Variants in BIRC6 observed in about 807,000 individuals in gnomAD.
BIRC6 encodes the protein baculoviral IAP repeat containing 6, also known as dual E2 ubiquitin-conjugating enzyme/E3 ubiquitin-protein ligase BIRC6.
Under a neutral mutation model 503.3 loss-of-function variants are expected in BIRC6, and 98 were observed. The observed-to-expected ratio is 0.19, with a 90% CI of 0.17 to 0.23. The LOEUF (loss-of-function observed/expected upper bound fraction) is 0.23. BIRC6 is among the 10% of genes least tolerant of loss of function. The pLI is 1.00. For missense variants in BIRC6, 5,360 were observed against 5,806.0 expected, an observed-to-expected ratio of 0.92 and a Z score of 2.50; for synonymous variants, 2,240 against 2,078.7, an observed-to-expected ratio of 1.08 and a Z score of -2.11.
At chr2:32,583,188 G>A (rs2060799359) in intron 66 of BIRC6, among the ~76,000 whole-genome samples, 1 of 152,306 alleles carries the variant, frequency 6.6e-6, no homozygotes, top group East Asian at 1.9e-4. Flanking sequence ...ACACTGTAAG[G>A]TGGCAGCTAG....
chr2:32,369,235 G>T (rs892730159), intron 1 of BIRC6, among the ~76,000 whole-genome samples: 2 of 152,152 alleles, frequency 1.3e-5, no homozygotes, highest in African/African-American at 4.8e-5. Flanking sequence ...GCTCTATAAG[G>T]AGTGATGAAG....
At chr2:32,578,531 C>G (rs1435853073) in intron 66 of BIRC6, among the ~76,000 whole-genome samples, 1 of 152,074 alleles carries the variant, frequency 6.6e-6, no homozygotes, top group Non-Finnish European at 1.5e-5. Context: ...TGCAGTGGCT[C>G]ACGGCTGTAA....
chr2:32,428,453 G>C (rs1178473787), intron 10 of BIRC6, among the ~76,000 whole-genome samples: 3 of 152,192 alleles, frequency 2.0e-5, no homozygotes, highest in African/African-American at 7.2e-5. Flanking sequence ...CCCATCTGGA[G>C]ATAGCAGTGA....
rs530095089 is a variant in BIRC6, at chr2:32,476,682, A to G, written c.6852+338A>G. The stretch of plus-strand genomic sequence containing the variant: ...ACAAGATGATTGCAAATATTATTGT[A>G]TCAGCCTCACAAATAAAATGTATAT... On this transcript the variant is annotated intron_variant, in intron 34 of 73. Transcript: ENST00000421745. Among the ~76,000 whole-genome samples, 18 of 152,292 alleles carry G rather than the reference A, an allele frequency of 1.2e-4. No individual in the cohort carries two copies. The East Asian group carries it at 2.9e-3, about 24-fold the overall frequency.
At chr2:32,567,632 A>T (rs1195446784) in intron 65 of BIRC6, among the ~76,000 whole-genome samples, 3 of 152,218 alleles carry the variant, frequency 2.0e-5, no homozygotes, top group African/African-American at 7.2e-5. Context: ...CCAAGTTTTC[A>T]CTGTTGGTCT....
chr2:32,589,860 A>G lies in BIRC6; in HGVS notation c.13356-4055A>G, dbSNP rs527236756. ...AAATTAGTATATTTGTGTCTAGTAT[A>G]GAAATCAAGGTTTTATTTTTAAAGG... On this transcript the variant is annotated intron_variant, in intron 66 of 73. Transcript: ENST00000421745. Among the ~76,000 whole-genome samples the G allele has an allele frequency of 1.5e-4, 23 of 152,322 alleles. No individual in the cohort carries two copies. The East Asian group carries it at 4.2e-3, about 28-fold the overall frequency.
At chr2:32,579,563 C>T (rs1354085700) in intron 66 of BIRC6, among the ~76,000 whole-genome samples, 2 of 152,012 alleles carry the variant, frequency 1.3e-5, no homozygotes, top group Non-Finnish European at 2.9e-5. Flanking sequence ...GTGGGCTGCA[C>T]CTGTAGTCCT....
rs555956928 is a variant in BIRC6 at position 32,458,748 on chromosome 2, G to T, written c.4754-4446G>T. 4.6e-5 allele frequency among the ~76,000 whole-genome samples: 6 copies of T among 130,800 alleles called. No individual in the cohort carries two copies. The South Asian group carries it at 1.5e-3, about 33-fold the overall frequency. 85.8% of individuals were successfully genotyped at this position (130,800 alleles called of 152,430 possible). On this transcript the variant is annotated intron_variant, in intron 23 of 73. Transcript: ENST00000421745. ...GACACTCTGTATCCCAGGCTGAAGTGCAGTGGCTCAATCTTGGCTCACTGT... is the reference window on the plus strand; with the variant it reads ...GACACTCTGTATCCCAGGCTGAAGTTCAGTGGCTCAATCTTGGCTCACTGT...
rs148716263 is a variant in BIRC6, at chr2:32,471,872, G to T, written c.6592+748G>T. On this transcript the variant is annotated intron_variant, in intron 32 of 73. Transcript: ENST00000421745. ...AATTCTGTACATTGTCAGGAACTCA[G>T]TATTTTTAAGAGTTCCCTTGAGATG... 8.1e-3 allele frequency among the ~76,000 whole-genome samples: 1,229 copies of T among 152,240 alleles called. 16 individuals are homozygous for T. The highest frequency in any genetic ancestry group is 9.1e-3 in the Non-Finnish European group (617 of 68,016).
At chr2:32,513,220 A>G in intron 54 of BIRC6, 66 bp downstream of exon 54, 1 of 1,177,074 alleles carries the variant, frequency 8.5e-7, no homozygotes, top group South Asian at 1.4e-5. Context: ...CACTTGATAA[A>G]ACAAAATATT....
intron 50 of BIRC6, among the ~76,000 whole-genome samples, chr2:32,505,934 C>T (rs1165619774): frequency 6.6e-6 from 1 of 151,950 alleles, no homozygotes. Context: ...GTAGCCTTGA[C>T]CCCTGAGGCT....
In BIRC6 at chr2:32,463,953, G is replaced by T. The variant is rs370623711; in HGVS notation, c.4942-556G>T. ...TTCTCATAGGAGCATGAACATTATT[G>T]TGAACTGTGCATGTGAGGGATCTAG... On this transcript the variant is annotated intron_variant, in intron 24 of 73. Transcript: ENST00000421745. 3.9e-5 allele frequency among the ~76,000 whole-genome samples: 6 copies of T among 152,260 alleles called. No homozygotes were observed. The East Asian group carries it at 7.7e-4, about 20-fold the overall frequency.
At chr2:32,502,081 A>T (rs2053259473) in intron 47 of BIRC6, among the ~76,000 whole-genome samples, 193 bp downstream of exon 47, 1 of 152,212 alleles carries the variant, frequency 6.6e-6, no homozygotes, top group South Asian at 2.1e-4. Flanking sequence ...TTCAGAGATG[A>T]CCACAGTGAT....
In BIRC6 at chr2:32,545,959, G is replaced by A. The variant is rs150003215; in HGVS notation, c.12810+99G>A. On this transcript the variant is annotated intron_variant, in intron 63 of 73. Transcript: ENST00000421745. Reference sequence around the variant, plus strand: ...TCTGAATTAATCTTTCAGAGACTTGGGTGTTCCATTTTCACATCTAAAAGG... The same window carrying A: ...TCTGAATTAATCTTTCAGAGACTTGAGTGTTCCATTTTCACATCTAAAAGG... The A allele has an allele frequency of 1.0e-4, 114 of 1,087,368 alleles. No individual in the cohort carries two copies. The African/African-American group carries it at 1.6e-3, about 16-fold the overall frequency. The allele number at this position is 1,087,368 out of a possible 1,614,324, so 67.4% of individuals were successfully genotyped here.
In BIRC6 at chr2:32,503,120, C is replaced by G. The variant is rs757392869; in HGVS notation, c.9383C>G (p.Thr3128Ser). Residue 3128 changes from threonine (T) to serine (S), a missense_variant, in exon 49 of 74, where the codon ACT becomes AGT. Around this residue, in one of 16 missense-constraint regions of BIRC6, gnomAD observed 267 missense variants for 287.6 expected, o/e 0.93. Transcript: ENST00000421745. ...AACACTGCAAGAAGTATGGTATCAA[C>G]TATTATGAAATTTCTTGACTCTGGT... ...IVNTARSMVSTIMKFLDSGPN... is the reference protein window; with the variant it reads ...IVNTARSMVSSIMKFLDSGPN... 6.2e-7 allele frequency: 1 copy of G among 1,611,548 alleles called. No individual in the cohort carries two copies. Among genetic ancestry groups the G allele is most frequent in the Non-Finnish European group, 8.5e-7 (1 of 1,178,692 alleles).
chr2:32,411,715 T>C (rs1257220176), intron 9 of BIRC6, among the ~76,000 whole-genome samples: 1 of 151,986 alleles, frequency 6.6e-6, no homozygotes, highest in Admixed American at 6.6e-5. Context: ...AGGGCTCAAG[T>C]GATCTGGCCT....
rs1352434076 is a variant in BIRC6 at position 32,454,035 on chromosome 2, A to G, written c.4753+93A>G. On this transcript the variant is annotated intron_variant, in intron 23 of 73. Coordinates refer to ENST00000421745, the MANE Select transcript of BIRC6 (RefSeq NM_016252.4). ...TTTAAACATTATTTCTAATTATGTA[A>G]TTTTCATTGCTGTTAAGTGGAAATT... 8.4e-6 allele frequency: 9 copies of G among 1,067,070 alleles called. No individual in the cohort carries two copies. The East Asian group carries it at 2.3e-4, about 28-fold the overall frequency. 66.1% of individuals were successfully genotyped at this position (1,067,070 alleles called of 1,614,324 possible). A position where few individuals can be genotyped will look rare whatever the true frequency, so the allele number is the denominator to read the frequency against.
chr2:32,548,746 C>G (rs2058232976), intron 64 of BIRC6: 2 of 152,178 alleles, frequency 1.3e-5, no homozygotes, highest in Non-Finnish European at 2.9e-5. Flanking sequence ...TGCACCATTG[C>G]ACTCCAGCCT....
intron 45 of BIRC6, among the ~76,000 whole-genome samples, chr2:32,494,249 C>A (rs1216211837): frequency 6.8e-6 from 1 of 147,314 alleles, no homozygotes; most frequent in African/African-American, 2.5e-5. Flanking sequence ...TTTTTTTTGA[C>A]ACAGAGTCTC....
Sources: allele counts gnomAD v4.1 joint callset (sites outside exome capture counted in the v4.1 genomes callset), GRCh38; gene constraint gnomAD v4.1.1; regional missense constraint gnomAD v4.1.1; transcripts MANE v1.5; gene names NCBI Gene and HGNC (gene_info 2026-07-23, HGNC 2026-07-21).